Variants in WDR7 observed in about 807,000 individuals in gnomAD.
The protein encoded by WDR7 is WD repeat domain 7.
Under a neutral mutation model 169.4 loss-of-function variants are expected in WDR7, and 46 were observed. The ratio of observed to expected loss-of-function variants is 0.27; its 90% confidence interval spans 0.21 to 0.35. WDR7 has a LOEUF of 0.35. Among genes scored for constraint, WDR7 ranks in the 10% least tolerant of loss-of-function variants. The probability of loss-of-function intolerance (pLI) is 1.00; values close to 1 mark genes in which losing one functional copy is unlikely to be tolerated. For missense variants in WDR7, 1,534 were observed against 1,859.3 expected (o/e 0.83, Z 3.22); for synonymous variants, 612 against 666.8 (o/e 0.92, Z 1.27).
chr18:56,800,018 A>C (rs1418266139), intron 19 of WDR7, among the ~76,000 whole-genome samples: 1 of 152,158 alleles, frequency 6.6e-6, no homozygotes, highest in Non-Finnish European at 1.5e-5. Context: ...GCCTTGTTTA[A>C]AAATAGACTT....
At chr18:56,813,171 A>G (rs1391979283) in intron 19 of WDR7, among the ~76,000 whole-genome samples, 1 of 144,704 alleles carries the variant, frequency 6.9e-6, no homozygotes, top group East Asian at 1.9e-4. Flanking sequence ...CCTAAAACTT[A>G]GAGTATAATA....
At position 56,842,611 on chromosome 18, in the gene WDR7, G is replaced by A. The variant is rs960379425; in HGVS notation, c.3304+26467G>A. ...GGAGACTGTAAGTAAAGGATTCGTA[G>A]TACTTCGGTATAGCCTATTCAAAAT... On this transcript the variant is annotated intron_variant, in intron 20 of 27. Transcript: ENST00000254442. 3.3e-5 allele frequency among the ~76,000 whole-genome samples: 5 copies of A among 149,254 alleles called. No individual in the cohort carries two copies. The South Asian group carries it at 1.0e-3, about 31-fold the overall frequency.
Position 56,681,301 on chromosome 18 carries a change from T to C in WDR7, c.267-12T>C. 6.4e-7 allele frequency: 1 copy of C among 1,570,966 alleles called. No homozygotes were observed. Among genetic ancestry groups the C allele is most frequent in the South Asian group, 1.2e-5 (1 of 83,650 alleles). The stretch of plus-strand genomic sequence containing the variant: ...AGTCACACTCAAAGCTGACCATTAT[T>C]TTGTTTTATAGAGAGATGTGCCTCT... On this transcript the variant is annotated splice_polypyrimidine_tract_variant and intron_variant, in intron 3 of 27. Transcript: ENST00000254442.
intron 14 of WDR7, 121 bp downstream of exon 14, chr18:56,731,718 G>T: frequency 2.2e-6 from 2 of 900,144 alleles, no homozygotes; most frequent in Non-Finnish European, 3.2e-6. Context: ...ATAAACTTTT[G>T]ATTTTCATTT....
intron 7 of WDR7, among the ~76,000 whole-genome samples, chr18:56,689,699 G>T (rs1385913999): frequency 6.6e-6 from 1 of 152,054 alleles, no homozygotes; most frequent in Non-Finnish European, 1.5e-5. Context: ...TAATTCATTC[G>T]TCTGTTGTCC....
chr18:56,797,163 C>T (rs1198861756), intron 19 of WDR7, among the ~76,000 whole-genome samples: 1 of 152,140 alleles, frequency 6.6e-6, no homozygotes, highest in African/African-American at 2.4e-5. Flanking sequence ...GTGTTTGAAT[C>T]CATGATGGGC....
At chr18:57,032,832 TATATATATA>T (rs2048449741), downstream of WDR7, 1 of 100,804 alleles carries the variant, frequency 9.9e-6, no homozygotes, top group Admixed American at 1.0e-4. Context: ...TATATATATA[TATATATATA>T]TATACAGTGT....
chr18:56,732,956 G>T (rs1189759303), intron 14 of WDR7, among the ~76,000 whole-genome samples: 1 of 151,992 alleles, frequency 6.6e-6, no homozygotes, highest in Non-Finnish European at 1.5e-5. Context: ...GTAAAAATTT[G>T]GAAAAATAAT....
At position 56,731,362 on chromosome 18, in the gene WDR7, G is replaced by C. The variant is rs1160493045; in HGVS notation, c.1775-21G>C. 3 of 1,606,760 alleles carry C rather than the reference G, an allele frequency of 1.9e-6. No homozygotes were observed. The South Asian group carries it at 3.3e-5, about 18-fold the overall frequency. On this transcript the variant is annotated intron_variant, in intron 13 of 27. Coordinates refer to ENST00000254442, the MANE Select transcript of WDR7 (RefSeq NM_015285.3). ...AATGTTGTAGTGTTATGAAATATTT[G>C]TGAATATATTTTTCTCGCAGGTGCA...
chr18:56,657,374 C>T (rs1011594902), intron 1 of WDR7, among the ~76,000 whole-genome samples: 4 of 152,044 alleles, frequency 2.6e-5, no homozygotes, highest in Non-Finnish European at 4.4e-5. Flanking sequence ...GTCTCAAACT[C>T]CTGACCTCAG....
intron 26 of WDR7, among the ~76,000 whole-genome samples, chr18:56,990,726 T>A (rs908199610): frequency 2.0e-5 from 3 of 152,212 alleles, no homozygotes; most frequent in Non-Finnish European, 2.9e-5. Flanking sequence ...AAGCTTTACT[T>A]ATATATACCA....
intron 21 of WDR7, among the ~76,000 whole-genome samples, chr18:56,922,924 T>C (rs2046746989): frequency 6.6e-6 from 1 of 152,198 alleles, no homozygotes; most frequent in Non-Finnish European, 1.5e-5. Flanking sequence ...CCATGTTTAA[T>C]AGGTATTCAG....
chr18:56,776,690 T>C (rs2044247299), intron 16 of WDR7, 92 bp from the exon 17 acceptor site: 1 of 1,075,130 alleles, frequency 9.3e-7, no homozygotes, highest in Non-Finnish European at 1.4e-6. Context: ...TTGCCTACTT[T>C]GTTTTTCATT....
intron 21 of WDR7, among the ~76,000 whole-genome samples, chr18:56,881,465 T>C (rs893261494): frequency 1.3e-5 from 2 of 152,166 alleles, no homozygotes; most frequent in Admixed American, 1.3e-4. Context: ...GGATCATACC[T>C]CTGGGAAAGG....
At chr18:56,954,583 G>C (rs1049428923) in intron 25 of WDR7, among the ~76,000 whole-genome samples, 3 of 152,096 alleles carry the variant, frequency 2.0e-5, no homozygotes, top group Non-Finnish European at 4.4e-5. Context: ...CACACCCCAA[G>C]CTATGACTGG....
Position 56,693,929 on chromosome 18 carries a change from G to A in WDR7, c.967-690G>A, listed in dbSNP as rs569801340. ...GTGTCATCCAGGCTGGAGTGCAGTA[G>A]CGAAATGATAGTTCACTGTAGCTTC... On this transcript the variant is annotated intron_variant, in intron 9 of 27. Transcript: ENST00000254442. Among the ~76,000 whole-genome samples, 12 of 152,114 alleles carry A rather than the reference G, an allele frequency of 7.9e-5. No individual in the cohort carries two copies. In the South Asian group the frequency reaches 2.5e-3, roughly 32 times the overall value.
intron 22 of WDR7, among the ~76,000 whole-genome samples, chr18:56,930,421 C>A (rs781526492): frequency 6.6e-6 from 1 of 152,014 alleles, no homozygotes; most frequent in African/African-American, 2.4e-5. Flanking sequence ...GAAATTTATT[C>A]TTAACAGAAA....
At chr18:56,888,815 C>T (rs943746162) in intron 21 of WDR7, among the ~76,000 whole-genome samples, 7 of 152,080 alleles carry the variant, frequency 4.6e-5, no homozygotes, top group South Asian at 2.1e-4. Context: ...CAGCAGACTC[C>T]GAGGCAGATT....
chr18:56,910,092 C>A (rs1245167284), intron 21 of WDR7, among the ~76,000 whole-genome samples: 2 of 152,236 alleles, frequency 1.3e-5, no homozygotes, highest in East Asian at 3.9e-4. Flanking sequence ...ACAATTTCTT[C>A]CTTCAAACTT....
Sources: allele counts gnomAD v4.1 joint callset (sites outside exome capture counted in the v4.1 genomes callset), GRCh38; gene constraint gnomAD v4.1.1; transcripts MANE v1.5; gene names NCBI Gene and HGNC (gene_info 2026-07-23, HGNC 2026-07-21).